The following RBFOX1 variants were observed in gnomAD, a reference collection of about 807,000 sequenced individuals.
RBFOX1 encodes the protein RNA binding fox-1 homolog 1, also known as RNA binding protein fox-1 homolog 1.
A neutral mutation model predicts 57.7 loss-of-function variants in RBFOX1; 8 were observed. That is an observed-to-expected ratio of 0.14 (90% confidence interval 0.08 to 0.25). RBFOX1 has a LOEUF of 0.25. Ranked by LOEUF, RBFOX1 falls within the 10% of genes least tolerant of loss-of-function variation. RBFOX1 has a pLI of 1.00. For synonymous variants in RBFOX1, 326 were observed against 222.4 expected, an observed-to-expected ratio of 1.47 and a Z score of -4.15; for missense variants, 611 against 548.5, an observed-to-expected ratio of 1.11 and a Z score of -1.14.
At chr16:7,453,549 T>C (rs1307896572) in intron 4 of RBFOX1, among the ~76,000 whole-genome samples, 1 of 152,156 alleles carries the variant, frequency 6.6e-6, no homozygotes, top group Admixed American at 6.5e-5. Flanking sequence ...TCATAGTGTA[T>C]GACAGTAAGC....
chr16:5,538,456 A>C (rs1342653475), intron 2 of RBFOX1, among the ~76,000 whole-genome samples: 1 of 152,172 alleles, frequency 6.6e-6, no homozygotes, highest in Non-Finnish European at 1.5e-5. Flanking sequence ...TAGACGAAAA[A>C]TGAGGAGGAT....
intron 1 of RBFOX1, among the ~76,000 whole-genome samples, chr16:5,274,428 C>A (rs1197406351): frequency 6.6e-6 from 1 of 152,158 alleles, no homozygotes; most frequent in African/African-American, 2.4e-5. Flanking sequence ...ACTCTGGAGG[C>A]TGAAGCATGA....
chr16:6,670,195 C>G lies in RBFOX1; in HGVS notation c.-16+15545C>G, dbSNP rs986671232. Among the ~76,000 whole-genome samples the G allele has an allele frequency of 3.3e-5, 5 of 151,340 alleles. No individual in the cohort carries two copies. In the East Asian group the frequency reaches 9.7e-4, roughly 29 times the overall value. The stretch of plus-strand genomic sequence containing the variant: ...CCTCCTACATCAGCTTCCCAAGTAG[C>G]TGGAACCACAGGAGTGCACCGTTAT... On this transcript the variant is annotated intron_variant, in intron 3 of 15. Coordinates refer to ENST00000550418, the MANE Select transcript of RBFOX1 (RefSeq NM_018723.4).
At chr16:7,496,314 T>C (rs1372998328) in intron 4 of RBFOX1, among the ~76,000 whole-genome samples, 1 of 152,176 alleles carries the variant, frequency 6.6e-6, no homozygotes. Flanking sequence ...GTCTAATTTT[T>C]GTATTTTTAG....
At chr16:6,687,303 G>C (rs192318510) in intron 3 of RBFOX1, among the ~76,000 whole-genome samples, 1 of 152,048 alleles carries the variant, frequency 6.6e-6, no homozygotes, top group African/African-American at 2.4e-5. Context: ...GTTGGGAGGA[G>C]AATGTGGGGG....
chr16:7,360,458 A>G (rs1456984845), intron 4 of RBFOX1, among the ~76,000 whole-genome samples: 1 of 152,128 alleles, frequency 6.6e-6, no homozygotes, highest in African/African-American at 2.4e-5. Flanking sequence ...AGAATGGGAG[A>G]AGCCTTTACT....
intron 3 of RBFOX1, among the ~76,000 whole-genome samples, chr16:6,674,953 T>A (rs374191263): frequency 3.9e-5 from 6 of 152,306 alleles, no homozygotes; most frequent in African/African-American, 1.4e-4. Flanking sequence ...TCACCCAGGC[T>A]GGAGTGCAGT....
intron 4 of RBFOX1, among the ~76,000 whole-genome samples, chr16:7,122,922 A>G (rs1464020514): frequency 1.3e-5 from 2 of 152,158 alleles, no homozygotes; most frequent in Non-Finnish European, 2.9e-5. Flanking sequence ...CAAAAGCATT[A>G]TGCTAAGAGA....
intron 4 of RBFOX1, among the ~76,000 whole-genome samples, chr16:5,911,585 A>T (rs184288171): frequency 2.6e-5 from 4 of 152,260 alleles, no homozygotes; most frequent in Non-Finnish European, 4.4e-5. Context: ...CTAGCTTCTG[A>T]CGGGGGGTGC....
chr16:5,562,147 C>G (rs1261124533), intron 2 of RBFOX1, among the ~76,000 whole-genome samples: 2 of 152,150 alleles, frequency 1.3e-5, no homozygotes, highest in Non-Finnish European at 2.9e-5. Context: ...AGAATGACCT[C>G]TCATCATTCA....
chr16:6,155,178 A>G (rs1460373764), intron 1 of RBFOX1, among the ~76,000 whole-genome samples: 1 of 152,222 alleles, frequency 6.6e-6, no homozygotes, highest in Non-Finnish European at 1.5e-5. Flanking sequence ...GTCCGGAGTG[A>G]GTCCTTCCCA....
chr16:5,674,859 G>T lies in RBFOX1; in HGVS notation c.318+75898G>T, dbSNP rs151074886. ...GTACGTTATGTAAAAATAGCACATT[G>T]TGGCTGAATATGGTGGGTGGCTCAT... On this transcript the variant is annotated intron_variant, in intron 3 of 19. Transcript: ENST00000641259. 5.3e-4 allele frequency among the ~76,000 whole-genome samples: 80 copies of T among 152,248 alleles called. 1 individual carries two copies. Among genetic ancestry groups the T allele is most frequent in the Middle Eastern group, 6.8e-3 (2 of 294 alleles).
intron 4 of RBFOX1, among the ~76,000 whole-genome samples, chr16:5,960,642 C>T (rs998594224): frequency 6.6e-6 from 1 of 152,134 alleles, no homozygotes. Flanking sequence ...TCTAGCTCCT[C>T]ATGAAGTGTT....
intron 4 of RBFOX1, among the ~76,000 whole-genome samples, chr16:7,282,559 CT>C (rs111692571): frequency 1.9e-4 from 29 of 149,596 alleles, no homozygotes; most frequent in South Asian, 1.9e-3. Flanking sequence ...GTTGATTAAG[CT>C]TTTTTTTTTC....
intron 4 of RBFOX1, among the ~76,000 whole-genome samples, chr16:7,200,235 A>G (rs1201363403): frequency 6.6e-6 from 1 of 152,188 alleles, no homozygotes; most frequent in Non-Finnish European, 1.5e-5. Flanking sequence ...TGTAGATGGT[A>G]AGGATGATAC....
chr16:6,804,011 A>ATT (rs796697448), intron 3 of RBFOX1, among the ~76,000 whole-genome samples: 13 of 147,210 alleles, frequency 8.8e-5, no homozygotes, highest in African/African-American at 3.0e-4. Context: ...AACTCATACA[A>ATT]TTTTTTTTTT....
chr16:6,364,901 G>T (rs1343067527), intron 2 of RBFOX1, among the ~76,000 whole-genome samples: 1 of 152,110 alleles, frequency 6.6e-6, no homozygotes, highest in African/African-American at 2.4e-5. Context: ...GGGGCAGGGG[G>T]TGTGGTCCTT....
At chr16:6,003,577 G>A (rs1304830283) in intron 4 of RBFOX1, among the ~76,000 whole-genome samples, 1 of 151,426 alleles carries the variant, frequency 6.6e-6, no homozygotes, top group Non-Finnish European at 1.5e-5. Flanking sequence ...TGTAGCTAGT[G>A]CCTTTTTAAA....
chr16:7,438,388 A>C (rs1167490184), intron 4 of RBFOX1, among the ~76,000 whole-genome samples: 2 of 152,072 alleles, frequency 1.3e-5, no homozygotes, highest in Non-Finnish European at 2.9e-5. Context: ...TGATGGTGAG[A>C]CAGGTTCATT....
Sources: gnomAD v4.1 joint callset for allele counts (sites outside exome capture counted in the v4.1 genomes callset) on GRCh38, gnomAD v4.1.1 for gene constraint, MANE v1.5 for transcripts, NCBI Gene and HGNC (gene_info 2026-07-23, HGNC 2026-07-21) for gene names.